Variants in JHY observed in about 807,000 individuals in gnomAD.
JHY encodes the protein jhy protein homolog.
Under a neutral mutation model 78.0 loss-of-function variants are expected in JHY, and 69 were observed. The observed-to-expected ratio is 0.88, with a 90% CI of 0.73 to 1.08. JHY has a LOEUF of 1.08. JHY is among the 50% of genes least tolerant of loss of function. JHY has a pLI of 0.00. For synonymous variants in JHY, 368 were observed against 342.6 expected (o/e 1.07, Z -0.82); for missense variants, 944 against 927.8 (o/e 1.02, Z -0.23).
In JHY at chr11:122,960,853, T is replaced by C; in HGVS notation, c.*1408T>C. 3.0e-6 allele frequency: 2 copies of C among 661,966 alleles called. No individual in the cohort carries two copies. The highest frequency in any genetic ancestry group is 2.8e-5 in the South Asian group (2 of 72,198). 41.0% of individuals were successfully genotyped at this position (661,966 alleles called of 1,614,324 possible). On this transcript the variant is annotated 3_prime_UTR_variant, in exon 9 of 9. Transcript: ENST00000227349. Reference sequence around the variant, plus strand: ...CTTTTTGATGTGCAGAGGAATAACATTGCTATGGCTGTGGAGGTTACTTAC... The same window carrying C: ...CTTTTTGATGTGCAGAGGAATAACACTGCTATGGCTGTGGAGGTTACTTAC...
At position 122,904,443 on chromosome 11, in the gene JHY, A is replaced by G. The variant is rs1862943369; in HGVS notation, c.863A>G (p.Gln288Arg). 6 of 1,604,138 alleles carry G rather than the reference A, an allele frequency of 3.7e-6. No individual in the cohort carries two copies. The highest frequency in any genetic ancestry group is 5.1e-6 in the Non-Finnish European group (6 of 1,174,406). ...NKKRGESHPE[Q>R]ISYPVRVTDK... ...AAAAGAGGGGAATCTCATCCAGAAC[A>G]GGTACGTAGTGGCTACTTTAAAATG... The change falls in exon 3 of 9, where the codon CAG (glutamine) becomes CGG (arginine). Residue 288 changes from glutamine (Q) to arginine (R), a missense_variant and splice_region_variant. Gln to Arg is a conservative substitution (Grantham distance 43, BLOSUM62 1). Coordinates refer to ENST00000227349, the MANE Select transcript of JHY (RefSeq NM_024806.4).
At position 122,888,447 on chromosome 11, in the gene JHY, T is replaced by G. The variant is rs373260054; in HGVS notation, c.344+2254T>G. On this transcript the variant is annotated intron_variant, in intron 2 of 8. Transcript: ENST00000227349. ...TAGGGAAGTTGCTGCTTTTCCTATT[T>G]TACAGATAAGGAAAATGAGGCTAAC... Among the ~76,000 whole-genome samples the G allele has an allele frequency of 1.6e-3, 236 of 152,242 alleles. 2 individuals are homozygous for G. Among genetic ancestry groups the G allele is most frequent in the African/African-American group, 5.4e-3 (223 of 41,548 alleles).
rs554501794 is a variant in JHY, at chr11:122,916,471, C to T, written c.865-8426C>T. Among the ~76,000 whole-genome samples, 108 of 152,146 alleles carry T rather than the reference C, an allele frequency of 7.1e-4. 2 individuals carry two copies. The highest frequency in any genetic ancestry group is 2.5e-3 in the African/African-American group (102 of 41,520). On this transcript the variant is annotated intron_variant, in intron 3 of 8. Coordinates refer to ENST00000227349, the MANE Select transcript of JHY (RefSeq NM_024806.4). ...AAGGTCTTTTCTACCAGTGCAGATT[C>T]TATTGGTTAGAGTTTCATTGTTTTT...
intron 2 of JHY, among the ~76,000 whole-genome samples, chr11:122,888,806 A>G (rs1291801008): frequency 1.3e-5 from 2 of 152,174 alleles, no homozygotes; most frequent in African/African-American, 4.8e-5. Context: ...GTGAATAAAT[A>G]TATATCTATA....
intron 8 of JHY, among the ~76,000 whole-genome samples, chr11:122,958,051 CT>C (rs1181434804): frequency 6.6e-6 from 1 of 152,088 alleles, no homozygotes; most frequent in Non-Finnish European, 1.5e-5. Context: ...CATATAAACA[CT>C]GTTTCTCTCA....
At chr11:122,929,680 TTGAAAA>T (rs1863596081) in intron 4 of JHY, among the ~76,000 whole-genome samples, 1 of 152,196 alleles carries the variant, frequency 6.6e-6, no homozygotes, top group South Asian at 2.1e-4. Context: ...GCTCCATGAC[TTGAAAA>T]GACTAAATAC....
chr11:122,897,708 AC>A (rs986910172), intron 2 of JHY, among the ~76,000 whole-genome samples: 5 of 152,208 alleles, frequency 3.3e-5, no homozygotes, highest in African/African-American at 4.8e-5. Flanking sequence ...ATATTATCAT[AC>A]AGAGAAACAA....
chr11:122,955,113 G>GTTT (rs1864162275), intron 6 of JHY, among the ~76,000 whole-genome samples: 1 of 152,086 alleles, frequency 6.6e-6, no homozygotes, highest in African/African-American at 2.4e-5. Flanking sequence ...AAACTTCAGG[G>GTTT]TTTGTTGTTG....
At chr11:122,921,759 C>T (rs991857516) in intron 3 of JHY, among the ~76,000 whole-genome samples, 1 of 151,832 alleles carries the variant, frequency 6.6e-6, no homozygotes, top group Non-Finnish European at 1.5e-5. Context: ...GGAGGCAGGC[C>T]GATCACTTGA....
chr11:122,888,540 T>C (rs1416428705), intron 2 of JHY, among the ~76,000 whole-genome samples: 1 of 147,938 alleles, frequency 6.8e-6, no homozygotes, highest in Non-Finnish European at 1.5e-5. Flanking sequence ...CTGATGCTGT[T>C]TTTTTTTTTA....
chr11:122,901,609 C>T (rs1862860839), intron 2 of JHY, among the ~76,000 whole-genome samples: 1 of 151,658 alleles, frequency 6.6e-6, no homozygotes, highest in African/African-American at 2.4e-5. Flanking sequence ...CGCGGTGGCT[C>T]ACGCCTGTAA....
chr11:122,915,739 C>G (rs1034892085), intron 3 of JHY, among the ~76,000 whole-genome samples: 2 of 152,070 alleles, frequency 1.3e-5, no homozygotes, highest in African/African-American at 2.4e-5. Flanking sequence ...GTCTTGAACT[C>G]CTGACTTCAA....
intron 2 of JHY, among the ~76,000 whole-genome samples, chr11:122,890,403 C>T (rs4384396): frequency 0.42 from 63,365 of 152,012 alleles, 15,825 homozygotes; most frequent in Middle Eastern, 0.59. Context: ...GACTCCATGG[C>T]CCCAAACCCT....
rs530295029 is a variant in JHY at position 122,922,637 on chromosome 11, C to T, written c.865-2260C>T. 7.9e-5 allele frequency among the ~76,000 whole-genome samples: 12 copies of T among 151,744 alleles called. No individual in the cohort carries two copies. In the East Asian group the frequency reaches 1.8e-3, roughly 22 times the overall value. On this transcript the variant is annotated intron_variant, in intron 3 of 8. Transcript: ENST00000227349. ...CATCCTGGCTAACACGGTGAAACCC[C>T]GTCTCTACTAAAAATACAAAAAATT... is the stretch of plus-strand genomic sequence containing the variant.
chr11:122,949,840 CTTT>C (rs11402032), intron 6 of JHY, among the ~76,000 whole-genome samples: 4 of 142,452 alleles, frequency 2.8e-5, no homozygotes, highest in Admixed American at 7.0e-5. Context: ...TCTTTCTTTT[CTTT>C]TTTTTTTTTT....
In JHY at chr11:122,886,099, A is replaced by G. The variant is rs771371498; in HGVS notation, c.250A>G (p.Ser84Gly). 6.2e-6 allele frequency: 10 copies of G among 1,614,082 alleles called. No individual in the cohort carries two copies. The highest frequency in any genetic ancestry group is 5.9e-6 in the Non-Finnish European group (7 of 1,180,044). ...LDEEESPRWG[S>G]LHEMEEEASG... ...CGAGGAGGAAAGCCCTCGATGGGGAAGCCTGCACGAGATGGAAGAGGAAGC... is the reference window on the plus strand; with the variant it reads ...CGAGGAGGAAAGCCCTCGATGGGGAGGCCTGCACGAGATGGAAGAGGAAGC... Residue 84 changes from serine (S) to glycine (G), a missense_variant, in exon 2 of 9, where the codon AGC (serine) becomes GGC (glycine). Transcript: ENST00000227349.
At chr11:122,924,367 T>A (rs918104332) in intron 3 of JHY, among the ~76,000 whole-genome samples, 1 of 152,122 alleles carries the variant, frequency 6.6e-6, no homozygotes. Flanking sequence ...TTACTTAACC[T>A]CTCTGTACCT....
In JHY at chr11:122,957,404, CAAG is replaced by C. The variant is rs1565341234; in HGVS notation, c.2053_2055del (p.Lys685del). On this transcript the variant is annotated inframe_deletion, in exon 8 of 9. Transcript: ENST00000227349. ...AGCAAAAGGAATATGCAAAACAAGTCAAGGAGTACAACATGAAGACACTATCCA... is the reference window on the plus strand; with the variant it reads ...AGCAAAAGGAATATGCAAAACAAGTCGAGTACAACATGAAGACACTATCCA... 5.2e-6 allele frequency: 8 copies of C among 1,533,038 alleles called. No individual in the cohort carries two copies. The highest frequency in any genetic ancestry group is 6.9e-6 in the Non-Finnish European group (8 of 1,152,910). 95.0% of individuals were successfully genotyped at this position (1,533,038 alleles called of 1,614,324 possible). A position where few individuals can be genotyped will look rare whatever the true frequency, so the allele number is the denominator to read the frequency against.
At chr11:122,934,346 A>ATT in intron 4 of JHY, 74 bp from the exon 5 acceptor site, 15 of 609,220 alleles carry the variant, frequency 2.5e-5, no homozygotes, top group South Asian at 8.1e-5. Flanking sequence ...ATAAATAAAT[A>ATT]AATAAATAAT....
Sources: gnomAD v4.1 joint callset for allele counts (sites outside exome capture counted in the v4.1 genomes callset) on GRCh38, gnomAD v4.1.1 for gene constraint, MANE v1.5 for transcripts, NCBI Gene and HGNC (gene_info 2026-07-23, HGNC 2026-07-21) for gene names.